VEPH1: variants seen among roughly 807,000 people sequenced by gnomAD.
The protein encoded by VEPH1 is ventricular zone expressed PH domain containing 1.
A neutral mutation model predicts 85.2 loss-of-function variants in VEPH1; 80 were observed. The observed-to-expected ratio is 0.94, with a 90% CI of 0.78 to 1.13. The LOEUF (loss-of-function observed/expected upper bound fraction) is 1.13. Ranked by LOEUF, VEPH1 falls within the 50% of genes most tolerant of loss-of-function variation. The pLI is 0.00. For missense variants in VEPH1, 955 were observed against 980.5 expected, an observed-to-expected ratio of 0.97 and a Z score of 0.35; for synonymous variants, 297 against 348.0, an observed-to-expected ratio of 0.85 and a Z score of 1.63.
intron 4 of VEPH1, among the ~76,000 whole-genome samples, chr3:157,443,860 G>A (rs1734335409): frequency 6.6e-6 from 1 of 152,128 alleles, no homozygotes; most frequent in Non-Finnish European, 1.5e-5. Context: ...GAATCTCTAG[G>A]ACTCTTCCCA....
intron 11 of VEPH1, among the ~76,000 whole-genome samples, chr3:157,293,053 G>A (rs1440092313): frequency 1.3e-5 from 2 of 151,610 alleles, no homozygotes; most frequent in African/African-American, 4.8e-5. Flanking sequence ...CTGGTCACAA[G>A]AGCAAAGCTT....
rs1197141390 is a variant in VEPH1, at chr3:157,488,507, CT to C, written c.138+6704del. Among the ~76,000 whole-genome samples the C allele has an allele frequency of 1.3e-3, 169 of 131,742 alleles. 2 individuals carry two copies. Among genetic ancestry groups the C allele is most frequent in the Non-Finnish European group, 1.6e-3 (104 of 63,692 alleles). The allele number at this position is 131,742 out of a possible 152,430, so 86.4% of individuals were successfully genotyped here. ...ATTTTCTGACTTTCTTTCTTTCTTT[CT>C]TTTTTTTTTTTTTTACTGGATATTT... On this transcript the variant is annotated intron_variant, in intron 2 of 13. Transcript: ENST00000362010.
intron 12 of VEPH1, among the ~76,000 whole-genome samples, chr3:157,265,867 C>T (rs1204140272): frequency 6.6e-6 from 1 of 151,866 alleles, no homozygotes; most frequent in Non-Finnish European, 1.5e-5. Context: ...CTGTTGAAAG[C>T]CCTCATTGCC....
chr3:157,469,049 T>C (rs1299305456), intron 3 of VEPH1, among the ~76,000 whole-genome samples: 1 of 152,140 alleles, frequency 6.6e-6, no homozygotes, highest in African/African-American at 2.4e-5. Flanking sequence ...AAAGTGCACA[T>C]TGGAGTGAAA....
chr3:157,489,723 T>G (rs933816851), intron 2 of VEPH1, among the ~76,000 whole-genome samples: 2 of 146,430 alleles, frequency 1.4e-5, no homozygotes, highest in Admixed American at 1.4e-4. Flanking sequence ...TTTTTTTTTT[T>G]GTCTTTTTTG....
chr3:157,393,061 G>A (rs1434726246), intron 6 of VEPH1, among the ~76,000 whole-genome samples: 1 of 152,186 alleles, frequency 6.6e-6, no homozygotes, highest in Non-Finnish European at 1.5e-5. Context: ...AGAGATGGAA[G>A]AACACATTCC....
chr3:157,448,809 C>T (rs886572044), intron 4 of VEPH1, among the ~76,000 whole-genome samples: 85 of 152,292 alleles, frequency 5.6e-4, no homozygotes, highest in Non-Finnish European at 3.5e-4. Flanking sequence ...TATGGTTTGG[C>T]TCTGTGTCCC....
intron 3 of VEPH1, among the ~76,000 whole-genome samples, chr3:157,461,728 G>C (rs1735891203): frequency 6.6e-6 from 1 of 151,800 alleles, no homozygotes; most frequent in Non-Finnish European, 1.5e-5. Context: ...ATTTACATGG[G>C]GAAAAAACAT....
intron 6 of VEPH1, among the ~76,000 whole-genome samples, chr3:157,387,844 A>T (rs1170784660): frequency 6.6e-6 from 1 of 152,128 alleles, no homozygotes; most frequent in East Asian, 1.9e-4. Flanking sequence ...GAATTTTTAA[A>T]CCCCTTGGAT....
chr3:157,303,962 C>T (rs921621428), intron 11 of VEPH1, among the ~76,000 whole-genome samples: 1 of 147,052 alleles, frequency 6.8e-6, no homozygotes, highest in African/African-American at 2.5e-5. Flanking sequence ...GGAGACTGAC[C>T]TTCCACAGCA....
At chr3:157,365,436 G>GT (rs1185326142) in intron 7 of VEPH1, among the ~76,000 whole-genome samples, 1 of 152,084 alleles carries the variant, frequency 6.6e-6, no homozygotes, top group Non-Finnish European at 1.5e-5. Flanking sequence ...CAATATGTGG[G>GT]TTTTTTTCTC....
intron 11 of VEPH1, among the ~76,000 whole-genome samples, chr3:157,290,797 G>A (rs1385483591): frequency 1.3e-5 from 2 of 152,180 alleles, no homozygotes; most frequent in Non-Finnish European, 1.5e-5. Context: ...GGCTAAGTGA[G>A]CATTTCTCCG....
chr3:157,363,217 AACT>A, intron 9 of VEPH1, 144 bp downstream of exon 9: 1 of 770,356 alleles, frequency 1.3e-6, no homozygotes, highest in Admixed American at 3.1e-5. Flanking sequence ...AAAAAAAAAA[AACT>A]AACATAATGT....
At position 157,495,332 on chromosome 3, in the gene VEPH1, T is replaced by G; in HGVS notation, c.18A>C (p.Arg6Ser). Reference protein sequence around the residue: MHQLFRLVLGQKDLSR... With the variant: MHQLFSLVLGQKDLSR... ...AAAGATCTTTTTGTCCCAAAACCAG[T>G]CTGAACAGTTGATGCATGGTGAGGA... The change falls in exon 2 of 14, where the codon AGA (arginine) becomes AGC (serine). Residue 6 changes from arginine (R) to serine (S), a missense_variant. Arg to Ser is a moderately radical substitution (Grantham distance 110, BLOSUM62 -1). Coordinates refer to ENST00000362010, the MANE Select transcript of VEPH1 (RefSeq NM_001167912.2). 1 of 1,613,998 alleles carries G rather than the reference T, an allele frequency of 6.2e-7. No individual in the cohort carries two copies. Among genetic ancestry groups the G allele is most frequent in the Non-Finnish European group, 8.5e-7 (1 of 1,179,902 alleles).
chr3:157,432,520 G>C (rs150814279), intron 4 of VEPH1, among the ~76,000 whole-genome samples: 36 of 151,918 alleles, frequency 2.4e-4, no homozygotes, highest in African/African-American at 8.2e-4. Context: ...GTTTTTCTTT[G>C]TATACAAATA....
chr3:157,481,789 G>A (rs1316523741), intron 2 of VEPH1, among the ~76,000 whole-genome samples: 1 of 152,110 alleles, frequency 6.6e-6, no homozygotes, highest in Non-Finnish European at 1.5e-5. Context: ...GTATATGGTG[G>A]TAGGTAGGAA....
intron 6 of VEPH1, among the ~76,000 whole-genome samples, chr3:157,386,503 A>G (rs983120608): frequency 1.3e-5 from 2 of 152,096 alleles, no homozygotes; most frequent in African/African-American, 4.8e-5. Flanking sequence ...GGCAGTGGGG[A>G]AAAGAAAGGG....
At chr3:157,442,330 T>C (rs1171346233) in intron 4 of VEPH1, 1 of 1,469,002 alleles carries the variant, frequency 6.8e-7, no homozygotes, top group East Asian at 2.3e-5. Context: ...AATTTATATT[T>C]TCTTTAATAT....
Position 157,286,642 on chromosome 3 carries a change from T to A in VEPH1, c.2043A>T (p.Glu681Asp), listed in dbSNP as rs756686353. 6.2e-7 allele frequency: 1 copy of A among 1,614,092 alleles called. No homozygotes were observed. The highest frequency in any genetic ancestry group is 1.1e-5 in the South Asian group (1 of 91,076). ...DLDQVQLHLE[E>D]VRFFDVFGFS... ...AGCCAAACACGTCAAAGAACCTCAC[T>A]TCTTCCAGATGGAGCTGTACCTGGT... is the stretch of plus-strand genomic sequence containing the variant. Residue 681 changes from glutamate (E) to aspartate (D), a missense_variant, in exon 12 of 14, where the codon GAA becomes GAT. Glu to Asp is a conservative substitution (Grantham distance 45). Coordinates refer to ENST00000362010, the MANE Select transcript of VEPH1 (RefSeq NM_001167912.2).
Sources: gnomAD v4.1 joint callset for allele counts (sites outside exome capture counted in the v4.1 genomes callset) on GRCh38, gnomAD v4.1.1 for gene constraint, MANE v1.5 for transcripts, NCBI Gene and HGNC (gene_info 2026-07-23, HGNC 2026-07-21) for gene names.